SREBF1: variants seen among roughly 807,000 people sequenced by gnomAD.
SREBF1 encodes sterol regulatory element binding transcription factor 1.
A neutral mutation model predicts 100.1 loss-of-function variants in SREBF1; 45 were observed. That is an observed-to-expected ratio of 0.45 (90% CI 0.35 to 0.58). The LOEUF (loss-of-function observed/expected upper bound fraction) is 0.58. Ranked by LOEUF, SREBF1 falls within the 20% of genes least tolerant of loss-of-function variation. SREBF1 has a pLI of 0.00. For synonymous variants in SREBF1, 657 were observed against 681.8 expected, an observed-to-expected ratio of 0.96 and a Z score of 0.57; for missense variants, 1,324 against 1,539.4, an observed-to-expected ratio of 0.86 and a Z score of 2.34.
chr17:17,816,197 A>ACCCCCCCCCCCCCCCCCCCCC lies in SREBF1; in HGVS notation c.2214+9_2214+10insGGGGGGGGGGGGGGGGGGGGG. 8.8e-7 allele frequency: 1 copy of ACCCCCCCCCCCCCCCCCCCCC among 1,137,398 alleles called. No homozygotes were observed. The highest frequency in any genetic ancestry group is 1.6e-5 in the South Asian group (1 of 61,302). The allele number at this position is 1,137,398 out of a possible 1,614,324, so 70.5% of individuals were successfully genotyped here. A position where few individuals can be genotyped will look rare whatever the true frequency, so the allele number is the denominator to read the frequency against. On this transcript the variant is annotated intron_variant, in intron 11 of 18. Transcript: ENST00000261646. ...GCAGGGATAAGCCCCCAGCCCCCCA[A>ACCCCCCCCCCCCCCCCCCCCC]CCCACTCACTGTCAGAAAATGCAAG...
At chr17:17,813,963 GGGAGCAGC>G in intron 16 of SREBF1, 194 bp from the exon 17 acceptor site, 1 of 692,724 alleles carries the variant, frequency 1.4e-6, no homozygotes, top group Non-Finnish European at 2.4e-6. Flanking sequence ...CCACCGGCCC[GGGAGCAGC>G]TGTCCAGCCC....
At chr17:17,830,100 C>G (rs989815094) in intron 1 of SREBF1, among the ~76,000 whole-genome samples, 4 of 152,276 alleles carry the variant, frequency 2.6e-5, no homozygotes, top group African/African-American at 9.6e-5. Flanking sequence ...ATCCTAGAAA[C>G]TTCCAGCACA....
chr17:17,835,776 A>T (rs1307030992), intron 1 of SREBF1, among the ~76,000 whole-genome samples: 1 of 152,252 alleles, frequency 6.6e-6, no homozygotes, highest in Non-Finnish European at 1.5e-5. Flanking sequence ...CATCACAGCC[A>T]GGGTGATGCT....
At chr17:17,823,654 G>GCCCGCCCCGCCCCGCCCCGCC in intron 1 of SREBF1, 2 of 1,381,488 alleles carry the variant, frequency 1.4e-6, no homozygotes, top group Non-Finnish European at 2.0e-6. Context: ...GCTGCGGCGC[G>GCCCGCCCCGCCCCGCCCCGCC]CCCGCCCCGC....
In SREBF1 at chr17:17,811,886, G is replaced by C. The variant is rs143430327; in HGVS notation, c.*736C>G. ...ATGTGCCCTGGGAGCAGGGGGAACAGGTAGGCTGGAGGCCATACAGCCAGC... is the reference window on the plus strand; with the variant it reads ...ATGTGCCCTGGGAGCAGGGGGAACACGTAGGCTGGAGGCCATACAGCCAGC... On this transcript the variant is annotated 3_prime_UTR_variant, in exon 19 of 19. Coordinates refer to ENST00000261646, the MANE Select transcript of SREBF1 (RefSeq NM_004176.5). 1.4e-4 allele frequency: 59 copies of C among 435,364 alleles called. 1 individual carries two copies. The Middle Eastern group carries it at 2.7e-3, about 20-fold the overall frequency. The allele number at this position is 435,364 out of a possible 1,614,324, so 27.0% of individuals were successfully genotyped here.
intron 1 of SREBF1, among the ~76,000 whole-genome samples, chr17:17,832,844 C>A (rs2034947247): frequency 6.6e-6 from 1 of 151,838 alleles, no homozygotes; most frequent in Admixed American, 6.6e-5. Context: ...TGGTGTGAAC[C>A]CGGGAGGCGG....
chr17:17,816,632 A>C lies in SREBF1; in HGVS notation c.1872T>G (p.Ala624=), dbSNP rs370714402. 1.1e-5 allele frequency: 18 copies of C among 1,600,772 alleles called. No homozygotes were observed. Among genetic ancestry groups the C allele is most frequent in the Non-Finnish European group, 1.4e-5 (17 of 1,174,782 alleles). The change falls in exon 10 of 19, where the codon GCT becomes GCG. Residue 624 remains alanine (A), a synonymous_variant. Coordinates refer to ENST00000261646, the MANE Select transcript of SREBF1 (RefSeq NM_004176.5). ...GGATGAGGTTCCAGAGGAGGCTACA[A>C]GCCAGGTCCAGGTGGGAGGTGGGCA... ...RPLPTSHLDL[A]CSLLWNLIRH...
Position 17,818,284 on chromosome 17 carries a change from G to A in SREBF1, c.1159C>T (p.Leu387=). 4 of 1,614,030 alleles carry A rather than the reference G, an allele frequency of 2.5e-6. No individual in the cohort carries two copies. The highest frequency in any genetic ancestry group is 3.4e-6 in the Non-Finnish European group (4 of 1,180,018). Residue 387 remains leucine (L), a synonymous_variant, in exon 6 of 19, where the codon CTG becomes TTG. Transcript: ENST00000261646. ...CTGCTTTTGTGGACAGCAGTGCGCAGACTTAGGTTCTCCTGCTTGAGTTTC... is the reference window on the plus strand; with the variant it reads ...CTGCTTTTGTGGACAGCAGTGCGCAAACTTAGGTTCTCCTGCTTGAGTTTC... The part of the protein sequence containing the change: ...NQKLKQENLS[L]RTAVHKSKSL...
chr17:17,818,989 G>C, intron 5 of SREBF1, 24 bp downstream of exon 5: 1 of 1,609,584 alleles, frequency 6.2e-7, no homozygotes, highest in East Asian at 2.2e-5. Flanking sequence ...ACCCCGGTCT[G>C]TGCCCCTGCA....
chr17:17,836,164 G>A (rs1012814551), intron 1 of SREBF1, among the ~76,000 whole-genome samples: 1 of 152,270 alleles, frequency 6.6e-6, no homozygotes, highest in Admixed American at 6.5e-5. Flanking sequence ...CCTAAGACGG[G>A]GCCTGGCATT....
In SREBF1 at chr17:17,826,755, G is replaced by A. The variant is rs189872693; in HGVS notation, c.92-6234C>T. 2.0e-3 allele frequency among the ~76,000 whole-genome samples: 301 copies of A among 152,360 alleles called. 1 individual carries two copies. The highest frequency in any genetic ancestry group is 6.9e-3 in the African/African-American group (286 of 41,582). ...TTCAAACCTCTCTCTGAAGGCAGAT[G>A]CAGGCGCCCTTTAATGACTCTGGCC... On this transcript the variant is annotated intron_variant, in intron 1 of 18. Transcript: ENST00000261646.
At chr17:17,814,132 G>T in intron 16 of SREBF1, 113 bp downstream of exon 16, 1 of 1,251,074 alleles carries the variant, frequency 8.0e-7, no homozygotes, top group Non-Finnish European at 1.1e-6. Context: ...CCTATCCTGT[G>T]CTGCTTGGGC....
intron 5 of SREBF1, chr17:17,818,723 C>G: frequency 1.8e-6 from 1 of 568,550 alleles, no homozygotes; most frequent in South Asian, 2.0e-5. Context: ...ACTTATTCAT[C>G]CTGCCTACTG....
At chr17:17,823,553 C>T (rs776507816) in intron 1 of SREBF1, 3 of 1,613,646 alleles carry the variant, frequency 1.9e-6, no homozygotes, top group Non-Finnish European at 2.5e-6. Flanking sequence ...GCGATCTGCG[C>T]CCGCCCTTGG....
In SREBF1 at chr17:17,820,395, G is replaced by C. The variant is rs11541608; in HGVS notation, c.218C>G (p.Ser73Cys). 6.2e-7 allele frequency: 1 copy of C among 1,612,548 alleles called. No individual in the cohort carries two copies. Among genetic ancestry groups the C allele is most frequent in the Non-Finnish European group, 8.5e-7 (1 of 1,178,876 alleles). Reference sequence around the variant, plus strand: ...GGAGCTCAATGTGGCAGGAGGTGGAGACAAGCTGCCTGGGGAGCTGGTATC... The same window carrying C: ...GGAGCTCAATGTGGCAGGAGGTGGACACAAGCTGCCTGGGGAGCTGGTATC... ...SPDTSSPGSL[S>C]PPPATLSSSL... Residue 73 changes from serine to cysteine, a missense_variant, in exon 2 of 19, where the codon TCT (serine) becomes TGT (cysteine). Physicochemically the swap from Ser to Cys is moderately radical, Grantham distance 112. Transcript: ENST00000261646.
chr17:17,828,731 T>C (rs2034643290), intron 1 of SREBF1, among the ~76,000 whole-genome samples: 1 of 151,726 alleles, frequency 6.6e-6, no homozygotes, highest in Non-Finnish European at 1.5e-5. Context: ...GCCTGGGCAA[T>C]GTAGCAAGGC....
chr17:17,818,040 G>T, intron 6 of SREBF1, 124 bp from the exon 7 acceptor site: 1 of 1,123,368 alleles, frequency 8.9e-7, no homozygotes, highest in South Asian at 1.3e-5. Flanking sequence ...CGCTTTGATG[G>T]GGCTGGGTTA....
rs2033666340 is a variant in SREBF1 at position 17,817,050 on chromosome 17, A to C, written c.1693T>G (p.Phe565Val). Residue 565 changes from phenylalanine (F) to valine (V), a missense_variant, in exon 9 of 19, where the codon TTT becomes GTT. Physicochemically the swap from Phe to Val is conservative, Grantham distance 50. Transcript: ENST00000261646. The surrounding 1 kb of genome is among the most constrained non-coding windows in gnomAD (Gnocchi z 6.6). ...LLVLVSLVLLFVYGEPVTRPH... is the reference protein window; with the variant it reads ...LLVLVSLVLLVVYGEPVTRPH... Reference sequence around the variant, plus strand: ...CGTGTGACTGGCTCACCGTAGACAAAGAGAAGCACCAAGGAGACGAGCACC... The same window carrying C: ...CGTGTGACTGGCTCACCGTAGACAACGAGAAGCACCAAGGAGACGAGCACC... 6.2e-7 allele frequency: 1 copy of C among 1,613,046 alleles called. No individual in the cohort carries two copies. Among genetic ancestry groups the C allele is most frequent in the Non-Finnish European group, 8.5e-7 (1 of 1,180,026 alleles).
At chr17:17,820,028 T>C in intron 2 of SREBF1, 62 bp downstream of exon 2, 1 of 1,521,304 alleles carries the variant, frequency 6.6e-7, no homozygotes, top group Non-Finnish European at 8.9e-7. Flanking sequence ...CAGCAGAAGC[T>C]TCTTCCTGTG....
Sources: allele counts gnomAD v4.1 joint callset (sites outside exome capture counted in the v4.1 genomes callset), GRCh38; gene constraint gnomAD v4.1.1; non-coding constraint Gnocchi (gnomAD v3.1); transcripts MANE v1.5; gene names NCBI Gene and HGNC (gene_info 2026-07-23, HGNC 2026-07-21).